UNC13C: variants seen among roughly 807,000 people sequenced by gnomAD.
The protein encoded by UNC13C is protein unc-13 homolog C.
Under a neutral mutation model 245.4 loss-of-function variants are expected in UNC13C, and 174 were observed. That is an observed-to-expected ratio of 0.71 (90% CI 0.63 to 0.80). The LOEUF (loss-of-function observed/expected upper bound fraction) is 0.80, where lower values mean the gene tolerates loss of function less well. Among genes scored for constraint, UNC13C ranks in the 30% least tolerant of loss-of-function variants. UNC13C has a pLI of 0.00. For synonymous variants in UNC13C, 992 were observed against 895.1 expected (o/e 1.11, Z -1.93); for missense variants, 2,829 against 2,602.9 (o/e 1.09, Z -1.89).
chr15:54,032,503 C>T (rs1193316754), intron 2 of UNC13C, among the ~76,000 whole-genome samples: 1 of 152,114 alleles, frequency 6.6e-6, no homozygotes, highest in Non-Finnish European at 1.5e-5. Context: ...ATCTATTTAG[C>T]ACAAGGTATC....
Position 54,237,678 on chromosome 15 carries a change from T to C in UNC13C, c.3216T>C (p.Asn1072=). The change falls in exon 7 of 33, where the codon AAT becomes AAC. Residue 1072 remains asparagine, a synonymous_variant. Coordinates refer to ENST00000260323, the MANE Select transcript of UNC13C (RefSeq NM_001080534.3). ...SLAMVIRTSL[N]NEELKMHVFK... is the part of the protein sequence containing the mutation. ...CTATGGTGATTAGGACATCCCTAAA[T>C]AATGAGGAACTGGTAAGTACTAGAT... 6.2e-7 allele frequency: 1 copy of C among 1,611,130 alleles called. No individual in the cohort carries two copies. Among genetic ancestry groups the C allele is most frequent in the Non-Finnish European group, 8.5e-7 (1 of 1,178,638 alleles).
At chr15:53,912,206 A>C in the UNC13C span, 1 of 152,240 alleles carries the variant, frequency 6.6e-6, no homozygotes, top group Admixed American at 6.5e-5. Context: ...AGAATGCCCA[A>C]GGAGGGGCAA....
chr15:54,350,779 A>C (rs2038965125), intron 17 of UNC13C, among the ~76,000 whole-genome samples: 1 of 152,220 alleles, frequency 6.6e-6, no homozygotes, highest in African/African-American at 2.4e-5. Flanking sequence ...AAGAGGTATA[A>C]TCAATATTGT....
intron 4 of UNC13C, among the ~76,000 whole-genome samples, chr15:54,206,837 C>T (rs2034728932): frequency 6.6e-6 from 1 of 152,104 alleles, no homozygotes; most frequent in Non-Finnish European, 1.5e-5. Flanking sequence ...TGTACGTCAA[C>T]AGCTCTTGGC....
intron 2 of UNC13C, among the ~76,000 whole-genome samples, chr15:54,095,395 T>C (rs1433613048): frequency 6.6e-6 from 1 of 152,200 alleles, no homozygotes; most frequent in African/African-American, 2.4e-5. Context: ...AGGATCCTTC[T>C]TGGTTACTCC....
Position 54,628,537 on chromosome 15 carries a change from C to G in UNC13C, c.*1424C>G, listed in dbSNP as rs1050794323. On this transcript the variant is annotated 3_prime_UTR_variant, in exon 33 of 33. Coordinates refer to ENST00000260323, the MANE Select transcript of UNC13C (RefSeq NM_001080534.3). ...GGCCACTGCTTTGTTAATGACTCCT[C>G]TAAATGCATAGTGTGATGCGATCCT... 3 of 152,564 alleles carry G rather than the reference C, an allele frequency of 2.0e-5. No homozygotes were observed. The highest frequency in any genetic ancestry group is 4.4e-5 in the Non-Finnish European group (3 of 68,028). The allele number at this position is 152,564 out of a possible 1,614,324, so 9.5% of individuals were successfully genotyped here. A position where few individuals can be genotyped will look rare whatever the true frequency, so the allele number is the denominator to read the frequency against.
Position 54,015,606 on chromosome 15 carries a change from A to G in UNC13C, c.2703A>G (p.Gln901=). The change falls in exon 2 of 33, where the codon CAA becomes CAG. Residue 901 remains glutamine (Q), a synonymous_variant. Coordinates refer to ENST00000260323, the MANE Select transcript of UNC13C (RefSeq NM_001080534.3). ...NRTSITETDE[Q]MQAYDHLSYE... ...CTAGTATTACTGAAACAGATGAACA[A>G]ATGCAAGCATATGATCACCTTTCAT... 1 of 1,613,814 alleles carries G rather than the reference A, an allele frequency of 6.2e-7. No homozygotes were observed. The highest frequency in any genetic ancestry group is 8.5e-7 in the Non-Finnish European group (1 of 1,179,790).
intron 2 of UNC13C, among the ~76,000 whole-genome samples, chr15:54,123,988 A>G (rs2030857847): frequency 6.6e-6 from 1 of 152,138 alleles, no homozygotes; most frequent in Non-Finnish European, 1.5e-5. Context: ...CACTTAGCAT[A>G]ATGCCCTGAG....
chr15:54,164,957 T>C (rs898658408), intron 4 of UNC13C, among the ~76,000 whole-genome samples: 9 of 152,162 alleles, frequency 5.9e-5, no homozygotes, highest in African/African-American at 2.2e-4. Flanking sequence ...ATATGCAAAA[T>C]ATAAAAACAA....
chr15:54,212,956 C>A (rs2034929467), intron 4 of UNC13C, among the ~76,000 whole-genome samples: 1 of 152,038 alleles, frequency 6.6e-6, no homozygotes, highest in Non-Finnish European at 1.5e-5. Flanking sequence ...CTATGCTAAG[C>A]ACAGTAAGAA....
chr15:54,251,929 T>C (rs1355543340), intron 8 of UNC13C, among the ~76,000 whole-genome samples: 1 of 152,226 alleles, frequency 6.6e-6, no homozygotes, highest in African/African-American at 2.4e-5. Context: ...GTGTTAATGG[T>C]AACAAGTGCA....
chr15:54,062,029 T>G lies in UNC13C; in HGVS notation c.2983+46143T>G, dbSNP rs547721849. On this transcript the variant is annotated intron_variant, in intron 2 of 32. Transcript: ENST00000260323. ...TGACTTCATATATCTCTTAAGAATC[T>G]CCATCCTCAGTCGGGCGTGGTGGCT... Among the ~76,000 whole-genome samples, 6 of 152,148 alleles carry G rather than the reference T, an allele frequency of 3.9e-5. No individual in the cohort carries two copies. In the East Asian group the frequency reaches 1.2e-3, roughly 30 times the overall value.
At chr15:54,595,399 C>G (rs2018231) in intron 30 of UNC13C, among the ~76,000 whole-genome samples, 6,322 of 152,146 alleles carry the variant, frequency 0.042, 243 homozygotes, top group Admixed American at 0.12. Context: ...TTTCTACTCC[C>G]AAAGATGCAG....
chr15:53,970,005 A>G, the UNC13C span, among the ~76,000 whole-genome samples: 1 of 150,930 alleles, frequency 6.6e-6, no homozygotes, highest in African/African-American at 2.4e-5. Context: ...CTCACTTAGC[A>G]TAATGTGCTC....
the UNC13C span, among the ~76,000 whole-genome samples, chr15:53,919,148 G>C: frequency 6.9e-4 from 105 of 152,206 alleles, no homozygotes; most frequent in African/African-American, 2.5e-3. Flanking sequence ...GTGGGTTCTA[G>C]GTCTAGTTTC....
At chr15:54,284,899 T>C (rs2037101828) in intron 10 of UNC13C, among the ~76,000 whole-genome samples, 1 of 152,306 alleles carries the variant, frequency 6.6e-6, no homozygotes, top group African/African-American at 2.4e-5. Context: ...ACAAGTTTAT[T>C]CTGCAACTTT....
chr15:54,054,915 T>C (rs1566977901), intron 2 of UNC13C, among the ~76,000 whole-genome samples: 1 of 152,176 alleles, frequency 6.6e-6, no homozygotes, highest in East Asian at 1.9e-4. Context: ...GCTCATGAAG[T>C]CTGCTGCCCA....
chr15:54,398,473 TAGAC>T (rs1357890374), intron 18 of UNC13C, among the ~76,000 whole-genome samples: 1 of 151,412 alleles, frequency 6.6e-6, no homozygotes. Context: ...TAGAAAGAGT[TAGAC>T]AGTATTTCCT....
At position 54,387,080 on chromosome 15, in the gene UNC13C, T is replaced by C. The variant is rs75437940; in HGVS notation, c.4714-5968T>C. Among the ~76,000 whole-genome samples, 817 of 152,214 alleles carry C rather than the reference T, an allele frequency of 5.4e-3. 2 individuals carry two copies. Among genetic ancestry groups the C allele is most frequent in the African/African-American group, 0.019 (781 of 41,552 alleles). On this transcript the variant is annotated intron_variant, in intron 17 of 32. Coordinates refer to ENST00000260323, the MANE Select transcript of UNC13C (RefSeq NM_001080534.3). ...CTTCTAAACTGATGGTGAACCCCAA[T>C]ATTGGGGCCCAGACAAGGAGTGTTC...
Sources: allele counts gnomAD v4.1 joint callset (sites outside exome capture counted in the v4.1 genomes callset), GRCh38; gene constraint gnomAD v4.1.1; transcripts MANE v1.5; gene names NCBI Gene and HGNC (gene_info 2026-07-23, HGNC 2026-07-21).